IPP: variants seen among roughly 807,000 people sequenced by gnomAD.
IPP encodes the protein actin-binding protein IPP.
IPP carries 41 observed loss-of-function variants against 64.1 expected under a neutral mutation model. The ratio of observed to expected loss-of-function variants is 0.64; its 90% CI spans 0.50 to 0.83. IPP has a LOEUF of 0.83. Ranked by LOEUF, IPP falls within the 40% of genes least tolerant of loss-of-function variation. The pLI is 0.00. For synonymous variants in IPP, 214 were observed against 235.2 expected (o/e 0.91, Z 0.83); for missense variants, 649 against 703.0 (o/e 0.92, Z 0.87).
downstream of IPP, chr1:45,698,676 T>G (rs936418975): frequency 1.0e-6 from 1 of 975,530 alleles, no homozygotes; most frequent in African/African-American, 1.8e-5. Context: ...ACAGATAATT[T>G]TGGTGACAAC....
intron 5 of IPP, among the ~76,000 whole-genome samples, chr1:45,721,814 C>A (rs1645734952): frequency 6.6e-6 from 1 of 152,352 alleles, no homozygotes; most frequent in Admixed American, 6.5e-5. Flanking sequence ...GTAATCCCAG[C>A]ACTTTGGGAG....
intron 1 of IPP, among the ~76,000 whole-genome samples, chr1:45,747,797 C>T (rs1323532511): frequency 1.4e-5 from 2 of 138,786 alleles, no homozygotes; most frequent in Middle Eastern, 3.9e-3. Flanking sequence ...CACTGCCCTC[C>T]GCTCTCCAGC....
chr1:45,717,224 A>G (rs1447013049), intron 6 of IPP, among the ~76,000 whole-genome samples: 11 of 39,900 alleles, frequency 2.8e-4, no homozygotes, highest in Non-Finnish European at 4.7e-4. Context: ...CTTTTGAGAA[A>G]AAAAAAAAAA....
chr1:45,701,905 A>G (rs1645460090), intron 8 of IPP, among the ~76,000 whole-genome samples: 1 of 152,206 alleles, frequency 6.6e-6, no homozygotes, highest in Non-Finnish European at 1.5e-5. Context: ...AACTTAAATA[A>G]GATTATGAAA....
In IPP at chr1:45,727,755, T is replaced by C. The variant is rs1394637929; in HGVS notation, c.924A>G (p.Arg308=). 1.3e-6 allele frequency: 2 copies of C among 1,580,838 alleles called. No individual in the cohort carries two copies. Among genetic ancestry groups the C allele is most frequent in the Non-Finnish European group, 8.7e-7 (1 of 1,155,528 alleles). The change falls in exon 5 of 9, where the codon AGA becomes AGG. Residue 308 remains arginine (R), a synonymous_variant. Coordinates refer to ENST00000396478, the MANE Select transcript of IPP (RefSeq NM_005897.3). The part of the protein sequence containing the change: ...RLQGGRWSDS[R]ALSCVERFDT... ...CAAAACGTTCTACACAGCTGAGGGCTCTGCTATCACTCCAGCGACCCCCCT... is the reference window on the plus strand; with the variant it reads ...CAAAACGTTCTACACAGCTGAGGGCCCTGCTATCACTCCAGCGACCCCCCT...
At chr1:45,744,668 G>A (rs959029827) in intron 2 of IPP, among the ~76,000 whole-genome samples, 2 of 151,958 alleles carry the variant, frequency 1.3e-5, no homozygotes, top group South Asian at 2.1e-4. Flanking sequence ...GTGAAACCCC[G>A]TCTATACTAA....
chr1:45,738,836 T>G (rs1333439152), intron 3 of IPP, among the ~76,000 whole-genome samples: 1 of 43,570 alleles, frequency 2.3e-5, no homozygotes, highest in Non-Finnish European at 4.1e-5. Flanking sequence ...CAAGACTCCA[T>G]CTCAAAAAAA....
chr1:45,714,104 A>G, intron 8 of IPP, 142 bp downstream of exon 8: 3 of 577,898 alleles, frequency 5.2e-6, no homozygotes, highest in East Asian at 5.8e-5. Context: ...AGTGACACCA[A>G]AAGTTTCTTC....
chr1:45,728,239 C>A (rs1051111465), intron 4 of IPP, among the ~76,000 whole-genome samples: 1 of 150,490 alleles, frequency 6.6e-6, no homozygotes, highest in Non-Finnish European at 1.5e-5. Context: ...CTTACTGCAG[C>A]CTCGATCTTC....
intron 3 of IPP, among the ~76,000 whole-genome samples, chr1:45,735,621 ATT>A (rs1160000550): frequency 4.3e-3 from 246 of 57,454 alleles, no homozygotes; most frequent in East Asian, 0.018. Flanking sequence ...AGACCTGGCT[ATT>A]TTTTTTTTTT....
At chr1:45,732,822 A>G (rs1472247826) in intron 3 of IPP, among the ~76,000 whole-genome samples, 1 of 151,544 alleles carries the variant, frequency 6.6e-6, no homozygotes, top group African/African-American at 2.4e-5. Context: ...ACCCACCCCC[A>G]CGCCTGGCTA....
chr1:45,736,426 C>T (rs1353430019), intron 3 of IPP, among the ~76,000 whole-genome samples: 1 of 151,810 alleles, frequency 6.6e-6, no homozygotes, highest in African/African-American at 2.4e-5. Flanking sequence ...AATATATATA[C>T]TATGGAAAAA....
intron 5 of IPP, among the ~76,000 whole-genome samples, chr1:45,722,411 T>A (rs767690642): frequency 6.7e-6 from 1 of 149,294 alleles, no homozygotes; most frequent in Non-Finnish European, 1.5e-5. Flanking sequence ...ATTAGCCAGG[T>A]GTGGTGGTGC....
At chr1:45,717,755 C>T (rs887913163) in intron 6 of IPP, among the ~76,000 whole-genome samples, 1 of 152,112 alleles carries the variant, frequency 6.6e-6, no homozygotes, top group Non-Finnish European at 1.5e-5. Context: ...CTTCATGATC[C>T]GCCCGCCTCA....
At chr1:45,745,339 C>T (rs1034360185) in intron 2 of IPP, among the ~76,000 whole-genome samples, 1 of 152,154 alleles carries the variant, frequency 6.6e-6, no homozygotes, top group African/African-American at 2.4e-5. Context: ...GCTGCTTTCT[C>T]ATGTGTAAAT....
chr1:45,720,146 G>A (rs764154862), intron 5 of IPP, among the ~76,000 whole-genome samples: 2 of 151,826 alleles, frequency 1.3e-5, no homozygotes, highest in Non-Finnish European at 2.9e-5. Context: ...CACAATCATC[G>A]CTCACTGAAG....
At chr1:45,702,551 T>C (rs1645469062) in intron 8 of IPP, among the ~76,000 whole-genome samples, 2 of 152,172 alleles carry the variant, frequency 1.3e-5, no homozygotes, top group Admixed American at 1.3e-4. Flanking sequence ...GCCTCCTGGG[T>C]TGGAGCAATT....
At chr1:45,750,104 C>A (rs1357339195) in intron 1 of IPP, among the ~76,000 whole-genome samples, 1 of 152,044 alleles carries the variant, frequency 6.6e-6, no homozygotes, top group African/African-American at 2.4e-5. Flanking sequence ...GGAACTAAAG[C>A]GGACCTATGT....
intron 4 of IPP, among the ~76,000 whole-genome samples, chr1:45,729,228 A>G (rs910341509): frequency 6.6e-6 from 1 of 151,730 alleles, no homozygotes; most frequent in Admixed American, 6.6e-5. Context: ...TTTGGAGATC[A>G]TTGGTTCCTA....
Sources: allele counts gnomAD v4.1 joint callset (sites outside exome capture counted in the v4.1 genomes callset), GRCh38; gene constraint gnomAD v4.1.1; transcripts MANE v1.5; gene names NCBI Gene and HGNC (gene_info 2026-07-23, HGNC 2026-07-21).